The following OR9Q1 variants were observed in gnomAD, a reference collection of about 807,000 sequenced individuals.
OR9Q1 encodes olfactory receptor family 9 subfamily Q member 1.
For missense variants in OR9Q1, 374 were observed against 378.8 expected (o/e 0.99, Z 0.11); for synonymous variants, 153 against 148.6 (o/e 1.03, Z -0.22).
At chr11:58,032,450 C>G (rs1853051574) in intron 1 of OR9Q1, among the ~76,000 whole-genome samples, 1 of 152,052 alleles carries the variant, frequency 6.6e-6, no homozygotes, top group Admixed American at 6.5e-5. Flanking sequence ...ATAGAAAACC[C>G]AGAAATAAAA....
At chr11:58,152,571 G>T (rs566225735) in intron 2 of OR9Q1, among the ~76,000 whole-genome samples, 8 of 151,992 alleles carry the variant, frequency 5.3e-5, no homozygotes, top group Non-Finnish European at 1.0e-4. Flanking sequence ...TATGTGCTTT[G>T]TTGATTGATT....
Position 58,162,747 on chromosome 11 carries a change from T to C in OR9Q1, c.-14-16684T>C, listed in dbSNP as rs542381317. Among the ~76,000 whole-genome samples, 3 of 152,326 alleles carry C rather than the reference T, an allele frequency of 2.0e-5. No homozygotes were observed. In the South Asian group the frequency reaches 6.2e-4, roughly 32 times the overall value. On this transcript the variant is annotated intron_variant, in intron 2 of 2. Coordinates refer to ENST00000335397, the MANE Select transcript of OR9Q1 (RefSeq NM_001005212.4). ...GAGACTAATGACATCTCTGTAAAGT[T>C]GGTGGGTGTCAGGTGAGTGACCTTG...
At chr11:58,047,717 CAA>C (rs67113314) in intron 1 of OR9Q1, among the ~76,000 whole-genome samples, 73,670 of 143,816 alleles carry the variant, frequency 0.51, 18,762 homozygotes, top group Middle Eastern at 0.56. Context: ...ACTAATGATA[CAA>C]AAAAAAAAAA....
At position 58,180,135 on chromosome 11, in the gene OR9Q1, G is replaced by A. The variant is rs1266257679; in HGVS notation, c.691G>A (p.Gly231Arg). ...IIVAIMGIPA[G>R]SQAKTFSTCT... is the part of the protein sequence containing the mutation. Reference sequence around the variant, plus strand: ...CGTGGCCATCATGGGGATCCCTGCTGGAAGCCAGGCCAAGACCTTCTCCAC... The same window carrying A: ...CGTGGCCATCATGGGGATCCCTGCTAGAAGCCAGGCCAAGACCTTCTCCAC... The change falls in exon 3 of 3, where the codon GGA becomes AGA. Residue 231 changes from glycine (G) to arginine (R), a missense_variant. Physicochemically the swap from Gly to Arg is moderately radical, Grantham distance 125. Coordinates refer to ENST00000335397, the MANE Select transcript of OR9Q1 (RefSeq NM_001005212.4). 4 of 1,613,960 alleles carry A rather than the reference G, an allele frequency of 2.5e-6. No homozygotes were observed. The African/African-American group carries it at 5.3e-5, about 22-fold the overall frequency.
chr11:58,131,237 C>G (rs1040485505), intron 2 of OR9Q1, among the ~76,000 whole-genome samples: 1 of 152,072 alleles, frequency 6.6e-6, no homozygotes, highest in African/African-American at 2.4e-5. Context: ...CTCAGCTGGC[C>G]TGGGTGGGGA....
intron 2 of OR9Q1, among the ~76,000 whole-genome samples, chr11:58,177,194 C>T (rs1193544367): frequency 6.6e-6 from 1 of 152,206 alleles, no homozygotes; most frequent in Non-Finnish European, 1.5e-5. Flanking sequence ...CTCTATCAGT[C>T]TTCAGATATT....
chr11:58,119,322 C>A (rs938165792), intron 2 of OR9Q1: 3 of 1,613,808 alleles, frequency 1.9e-6, no homozygotes, highest in African/African-American at 1.3e-5. Flanking sequence ...TCCCCACATT[C>A]CCAAGAAGGG....
chr11:58,101,302 G>GT (rs989973251), intron 2 of OR9Q1, among the ~76,000 whole-genome samples: 2 of 152,006 alleles, frequency 1.3e-5, no homozygotes, highest in Non-Finnish European at 2.9e-5. Flanking sequence ...AACATTTATT[G>GT]TTTTTTGACT....
At chr11:58,054,476 T>A (rs1433386332) in intron 1 of OR9Q1, among the ~76,000 whole-genome samples, 1 of 152,224 alleles carries the variant, frequency 6.6e-6, no homozygotes, top group African/African-American at 2.4e-5. Context: ...CCAATATTTT[T>A]GCATATTTAT....
chr11:58,037,689 ATTTTTTTTTTT>A (rs554392577), intron 1 of OR9Q1, among the ~76,000 whole-genome samples: 12 of 6,982 alleles, frequency 1.7e-3, no homozygotes, highest in Admixed American at 6.1e-3. Context: ...ATATATATAT[ATTTTTTTTTTT>A]TTTTTTTTTT....
chr11:58,119,036 T>C (rs1372602892), intron 2 of OR9Q1: 1 of 1,614,010 alleles, frequency 6.2e-7, no homozygotes, highest in Admixed American at 1.7e-5. Flanking sequence ...AGCCTGGGAT[T>C]CATGGCCACG....
chr11:58,064,379 C>G (rs2120003110), intron 2 of OR9Q1, among the ~76,000 whole-genome samples: 1 of 152,304 alleles, frequency 6.6e-6, no homozygotes, highest in Admixed American at 6.5e-5. Flanking sequence ...ATCTTTCTAC[C>G]AGGCTGCACT....
Position 58,179,552 on chromosome 11 carries a change from C to T in OR9Q1, c.108C>T (p.Leu36=). ...TCCTCTTGTTTTTATTTATGTATCT[C>T]ATCACCGTATTGGGGAACTTAGAGA... ...PLFLLFLFMY[L]ITVLGNLEMI... Residue 36 remains leucine (L), a synonymous_variant, in exon 3 of 3, where the codon CTC becomes CTT. Transcript: ENST00000335397. 6.2e-7 allele frequency: 1 copy of T among 1,613,290 alleles called. No individual in the cohort carries two copies. The highest frequency in any genetic ancestry group is 1.1e-5 in the South Asian group (1 of 90,948).
At chr11:58,112,285 T>G (rs1426166649) in intron 2 of OR9Q1, among the ~76,000 whole-genome samples, 1 of 138,448 alleles carries the variant, frequency 7.2e-6, no homozygotes. Flanking sequence ...AGAGTGAGAC[T>G]TCGTCTCAAA....
intron 2 of OR9Q1, among the ~76,000 whole-genome samples, chr11:58,137,248 C>T (rs1166186053): frequency 6.6e-6 from 1 of 152,110 alleles, no homozygotes; most frequent in Non-Finnish European, 1.5e-5. Context: ...AGGGAAAGTA[C>T]AGGTGGGCAG....
chr11:58,089,327 G>T (rs548498166), intron 2 of OR9Q1, among the ~76,000 whole-genome samples: 2 of 151,946 alleles, frequency 1.3e-5, no homozygotes, highest in South Asian at 2.1e-4. Flanking sequence ...TTTGTACAAG[G>T]TGTAAGAAAG....
At chr11:58,053,633 T>TATATATATATAAATTATATATATATAAA (rs1853295584) in intron 1 of OR9Q1, among the ~76,000 whole-genome samples, 1 of 32,114 alleles carries the variant, frequency 3.1e-5, no homozygotes, top group African/African-American at 1.8e-4. Context: ...ATATAAAATA[T>TATATATATATAAATTATATATATATAAA]ATATATATAT....
intron 2 of OR9Q1, among the ~76,000 whole-genome samples, chr11:58,152,303 A>G (rs1326215272): frequency 6.6e-6 from 1 of 152,198 alleles, no homozygotes; most frequent in East Asian, 1.9e-4. Context: ...TAATATTAGT[A>G]TATATTTATG....
chr11:58,064,524 G>A (rs2514202), intron 2 of OR9Q1, among the ~76,000 whole-genome samples: 101,531 of 151,946 alleles, frequency 0.67, 34,355 homozygotes, highest in Middle Eastern at 0.79. Flanking sequence ...CTCCAACCAC[G>A]CCCAGGAGAT....
Sources: gnomAD v4.1 joint callset for allele counts (sites outside exome capture counted in the v4.1 genomes callset) on GRCh38, gnomAD v4.1.1 for gene constraint, MANE v1.5 for transcripts, NCBI Gene and HGNC (gene_info 2026-07-23, HGNC 2026-07-21) for gene names.